The following TRPS1 variants were observed in gnomAD, a reference collection of about 807,000 sequenced individuals.
TRPS1 encodes the protein transcriptional repressor GATA binding 1.
Under a neutral mutation model 101.2 loss-of-function variants are expected in TRPS1, and 6 were observed. That is an observed-to-expected ratio of 0.06 (90% CI 0.03 to 0.12). The LOEUF is 0.12. TRPS1 is among the 10% of genes least tolerant of loss of function. The pLI is 1.00. For synonymous variants in TRPS1, 578 were observed against 589.8 expected, an observed-to-expected ratio of 0.98 and a Z score of 0.29; for missense variants, 1,363 against 1,567.0, an observed-to-expected ratio of 0.87 and a Z score of 2.20.
rs1193912017 is a variant in TRPS1 at position 115,604,631 on chromosome 8, G to A, written c.1338C>T (p.Tyr446=). 1 of 1,614,026 alleles carries A rather than the reference G, an allele frequency of 6.2e-7. No individual in the cohort carries two copies. Among genetic ancestry groups the A allele is most frequent in the Non-Finnish European group, 8.5e-7 (1 of 1,179,994 alleles). Residue 446 remains tyrosine, a synonymous_variant, in exon 4 of 7, where the codon TAC becomes TAT. Coordinates refer to ENST00000395715, the MANE Select transcript of TRPS1 (RefSeq NM_014112.5). The surrounding 1 kb of genome is among the most constrained non-coding windows in gnomAD (Gnocchi z 4.1). ...SRQNGTEATS[Y]YWCKFCSFSC... ...TGAAACTACAAAATTTACACCAGTA[G>A]TAACTGGTGGCCTCTGTACCATTTT... is the stretch of plus-strand genomic sequence containing the variant.
intron 5 of TRPS1, among the ~76,000 whole-genome samples, chr8:115,458,716 A>C (rs1173405951): frequency 6.6e-6 from 1 of 152,232 alleles, no homozygotes; most frequent in Non-Finnish European, 1.5e-5. Context: ...AACACAGAAC[A>C]CAGAATCAGC....
intron 5 of TRPS1, 75 bp downstream of exon 5, chr8:115,586,926 C>A: frequency 3.1e-6 from 5 of 1,601,204 alleles, no homozygotes; most frequent in Non-Finnish European, 4.2e-6. Context: ...CAACACAATC[C>A]TGTAGAGAAA....
rs1482001422 is a variant in TRPS1 at position 115,492,699 on chromosome 8, G to A, written c.2701-74247C>T. On this transcript the variant is annotated intron_variant, in intron 5 of 6. Coordinates refer to ENST00000395715, the MANE Select transcript of TRPS1 (RefSeq NM_014112.5). ...GTGAACAAAACAGTATTGTTAGTAGGATAATGAGACAAAGTGTTTTTTGTT... is the reference window on the plus strand; with the variant it reads ...GTGAACAAAACAGTATTGTTAGTAGAATAATGAGACAAAGTGTTTTTTGTT... 2.0e-5 allele frequency among the ~76,000 whole-genome samples: 3 copies of A among 152,034 alleles called. No individual in the cohort carries two copies. In the East Asian group the frequency reaches 5.8e-4, roughly 29 times the overall value.
At chr8:115,532,178 A>G (rs1239570570) in intron 5 of TRPS1, among the ~76,000 whole-genome samples, 1 of 152,150 alleles carries the variant, frequency 6.6e-6, no homozygotes, top group African/African-American at 2.4e-5. Flanking sequence ...AATATCTATA[A>G]TTGGTCCAAT....
chr8:115,657,850 A>C (rs1811709427), intron 1 of TRPS1, among the ~76,000 whole-genome samples: 1 of 152,122 alleles, frequency 6.6e-6, no homozygotes, highest in Non-Finnish European at 1.5e-5. Context: ...ATAAAATAAA[A>C]TAAAATAAAG....
chr8:115,445,665 T>A (rs776815409), intron 5 of TRPS1, among the ~76,000 whole-genome samples: 35 of 152,192 alleles, frequency 2.3e-4, no homozygotes, highest in Non-Finnish European at 4.6e-4. Flanking sequence ...TGACTCAATA[T>A]ATAAATTTAA....
At chr8:115,454,141 G>A (rs1054642010) in intron 5 of TRPS1, among the ~76,000 whole-genome samples, 1 of 152,164 alleles carries the variant, frequency 6.6e-6, no homozygotes, top group African/African-American at 2.4e-5. Flanking sequence ...ATTTTACAGT[G>A]TATGTGCACA....
At chr8:115,514,608 T>C (rs1815665980) in intron 5 of TRPS1, among the ~76,000 whole-genome samples, 1 of 151,652 alleles carries the variant, frequency 6.6e-6, no homozygotes, top group Non-Finnish European at 1.5e-5. Flanking sequence ...CCTTGAATTA[T>C]TAATAGAACT....
chr8:115,457,997 G>A (rs1351952196), intron 5 of TRPS1, among the ~76,000 whole-genome samples: 1 of 152,164 alleles, frequency 6.6e-6, no homozygotes, highest in Non-Finnish European at 1.5e-5. Flanking sequence ...AGAAGTCTAT[G>A]AGGTTCTGAT....
At chr8:115,433,820 T>C (rs551068111) in intron 5 of TRPS1, among the ~76,000 whole-genome samples, 110 of 152,148 alleles carry the variant, frequency 7.2e-4, no homozygotes, top group Non-Finnish European at 1.5e-3. Flanking sequence ...TCAAATACAC[T>C]GTTCTTTTTA....
At chr8:115,598,487 T>C (rs908027466) in intron 4 of TRPS1, among the ~76,000 whole-genome samples, 6 of 152,138 alleles carry the variant, frequency 3.9e-5, no homozygotes, top group African/African-American at 1.4e-4. Context: ...TTTTATTTTT[T>C]GTTTTTTTTA....
chr8:115,553,906 A>G (rs765493740), intron 5 of TRPS1, among the ~76,000 whole-genome samples: 2 of 152,264 alleles, frequency 1.3e-5, no homozygotes, highest in East Asian at 3.9e-4. Flanking sequence ...TACAATTAAC[A>G]CTTCAATGAA....
chr8:115,596,124 C>T (rs1037297396), intron 4 of TRPS1, among the ~76,000 whole-genome samples: 17 of 151,940 alleles, frequency 1.1e-4, no homozygotes, highest in Admixed American at 7.2e-4. Context: ...ACCCATTTTA[C>T]GTCTGGAAGT....
intron 5 of TRPS1, among the ~76,000 whole-genome samples, chr8:115,470,375 T>C (rs1814436276): frequency 6.6e-6 from 1 of 152,240 alleles, no homozygotes; most frequent in African/African-American, 2.4e-5. Context: ...TTCCATTTAT[T>C]TAAAACATTT....
At chr8:115,539,947 ATG>A (rs1023463731) in intron 5 of TRPS1, among the ~76,000 whole-genome samples, 1 of 152,210 alleles carries the variant, frequency 6.6e-6, no homozygotes, top group Non-Finnish European at 1.5e-5. Flanking sequence ...CCTAAGAATC[ATG>A]TTTCTCTCAT....
intron 5 of TRPS1, among the ~76,000 whole-genome samples, chr8:115,488,138 T>C (rs1331713065): frequency 6.6e-6 from 1 of 152,166 alleles, no homozygotes; most frequent in Non-Finnish European, 1.5e-5. Context: ...ACCAGACAAA[T>C]GACTATGACT....
At chr8:115,586,357 G>A (rs1205594161) in intron 5 of TRPS1, among the ~76,000 whole-genome samples, 1 of 152,096 alleles carries the variant, frequency 6.6e-6, no homozygotes, top group Non-Finnish European at 1.5e-5. Flanking sequence ...TTTTCCACAT[G>A]GAACTAGGTC....
At position 115,579,392 on chromosome 8, in the gene TRPS1, CTATGTGCTT is replaced by C. The variant is rs572499997; in HGVS notation, c.2700+7600_2700+7608del. Among the ~76,000 whole-genome samples the C allele has an allele frequency of 4.7e-3, 718 of 152,134 alleles. 1 individual carries two copies. Among genetic ancestry groups the C allele is most frequent in the Non-Finnish European group, 7.6e-3 (514 of 67,942 alleles). On this transcript the variant is annotated intron_variant, in intron 5 of 6. Coordinates refer to ENST00000395715, the MANE Select transcript of TRPS1 (RefSeq NM_014112.5). ...ATCAGAAAGTTAATTCCCTGAGATT[CTATGTGCTT>C]TGTCTACCAAGACTTTTTTTATGAT...
intron 4 of TRPS1, among the ~76,000 whole-genome samples, chr8:115,591,359 T>A (rs1817675832): frequency 6.6e-6 from 1 of 152,148 alleles, no homozygotes; most frequent in South Asian, 2.1e-4. Flanking sequence ...AGGGGTCGCT[T>A]AAGAATATTT....
Sources: gnomAD v4.1 joint callset for allele counts (sites outside exome capture counted in the v4.1 genomes callset) on GRCh38, gnomAD v4.1.1 for gene constraint, Gnocchi (gnomAD v3.1) non-coding constraint, MANE v1.5 for transcripts, NCBI Gene and HGNC (gene_info 2026-07-23, HGNC 2026-07-21) for gene names.